The following DMD variants were observed in gnomAD, a reference collection of about 807,000 sequenced individuals.
DMD encodes mutant dystrophin.
DMD carries 63 observed loss-of-function variants against 330.1 expected under a neutral mutation model. The ratio of observed to expected loss-of-function variants is 0.19; its 90% CI spans 0.16 to 0.24. The LOEUF (loss-of-function observed/expected upper bound fraction) is 0.24, where lower values mean the gene tolerates loss of function less well. Among genes scored for constraint, DMD ranks in the 10% least tolerant of loss-of-function variants. The probability of loss-of-function intolerance (pLI) is 1.00; values close to 1 mark genes in which losing one functional copy is unlikely to be tolerated. For missense variants in DMD, 3,344 were observed against 2,684.1 expected, an observed-to-expected ratio of 1.25 and a Z score of -5.43; for synonymous variants, 1,223 against 959.8, an observed-to-expected ratio of 1.27 and a Z score of -5.07.
chrX:31,269,709 A>C (rs1211628161), intron 62 of DMD, among the ~76,000 whole-genome samples: 1 of 112,148 alleles, frequency 8.9e-6, no homozygotes, highest in Non-Finnish European at 1.9e-5. Context: ...GAGGTCAAAG[A>C]AGGCGACCCA....
At position 31,469,997 on chromosome X, in the gene DMD, C is replaced by T. The variant is rs759086416; in HGVS notation, c.8937+8109G>A. 1.2e-3 allele frequency among the ~76,000 whole-genome samples: 132 copies of T among 111,089 alleles called. 1 individual carries two copies. The highest frequency in any genetic ancestry group is 4.6e-3 in the Middle Eastern group (1 of 217). The stretch of plus-strand genomic sequence containing the variant: ...ACTTGTGTATGCTTCACAAAGTTCT[C>T]GTGCTGTGTTTCTCAGCTCCTTCAG... On this transcript the variant is annotated intron_variant, in intron 59 of 78. Transcript: ENST00000357033.
Position 32,553,603 on chromosome X carries a change from C to A in DMD, c.1993-8269G>T, listed in dbSNP as rs147209933. Among the ~76,000 whole-genome samples, 173 of 111,754 alleles carry A rather than the reference C, an allele frequency of 1.5e-3. 2 individuals carry two copies. The highest frequency in any genetic ancestry group is 4.3e-4 in the Non-Finnish European group (23 of 53,087). ...ATATAGTATAATAATATTATGAGAC[C>A]ACTGTCATATATGTGGTTCATTGTT... On this transcript the variant is annotated intron_variant, in intron 16 of 78. Coordinates refer to ENST00000357033, the MANE Select transcript of DMD (RefSeq NM_004006.3).
In DMD at chrX:31,180,464, T is replaced by C. The variant is rs993607011; in HGVS notation, c.9992A>G (p.His3331Arg). The C allele has an allele frequency of 2.2e-5, 26 of 1,193,784 alleles. No homozygotes were observed. The highest frequency in any genetic ancestry group is 3.0e-5 in the Non-Finnish European group (26 of 880,487). Residue 3331 changes from histidine (H) to arginine (R), a missense_variant, in exon 69 of 79, where the codon CAC becomes CGC. By Grantham distance (29) the His-to-Arg change is conservative (BLOSUM62 0). Transcript: ENST00000357033. ...GCTTTGGCAGATGTCATAATTAAAG[T>C]GCTTTAGACTCCTGTACCTGATAAA... ...IIGFRYRSLK[H>R]FNYDICQSCF...
At chrX:32,079,175 C>T (rs2096373913) in intron 44 of DMD, among the ~76,000 whole-genome samples, 2 of 112,046 alleles carry the variant, frequency 1.8e-5, no homozygotes, top group African/African-American at 6.5e-5. Flanking sequence ...TTTTGTCACT[C>T]TAACTTTGTA....
intron 45 of DMD, among the ~76,000 whole-genome samples, chrX:31,943,178 C>A (rs988227265): frequency 8.9e-6 from 1 of 112,432 alleles, no homozygotes; most frequent in Admixed American, 9.4e-5. Context: ...AAGCCAAAGG[C>A]ATTTAGTATC....
intron 63 of DMD, among the ~76,000 whole-genome samples, chrX:31,256,569 T>A (rs1364035817): frequency 2.7e-5 from 3 of 111,929 alleles, no homozygotes; most frequent in African/African-American, 9.7e-5. Flanking sequence ...TATCTATTTT[T>A]TAATCAAAAA....
At chrX:32,556,015 C>A (rs749107810) in intron 16 of DMD, among the ~76,000 whole-genome samples, 5 of 111,886 alleles carry the variant, frequency 4.5e-5, no homozygotes, top group African/African-American at 1.6e-4. Context: ...AAATAAACTA[C>A]CGTCAGAGTA....
At chrX:32,693,829 A>T (rs1431755844) in intron 9 of DMD, among the ~76,000 whole-genome samples, 1 of 111,619 alleles carries the variant, frequency 9.0e-6, no homozygotes, top group Admixed American at 9.5e-5. Flanking sequence ...CAACACCTCC[A>T]AATACACACA....
intron 2 of DMD, among the ~76,000 whole-genome samples, chrX:32,862,142 C>T (rs1569535982): frequency 8.9e-6 from 1 of 111,875 alleles, no homozygotes; most frequent in Non-Finnish European, 1.9e-5. Flanking sequence ...CCAAAAAAAG[C>T]ACGAAAATCT....
Position 32,775,677 on chromosome X carries a change from C to G in DMD, c.649+33816G>C, listed in dbSNP as rs1424003935. Among the ~76,000 whole-genome samples the G allele has an allele frequency of 4.4e-5, 5 of 113,032 alleles. No individual in the cohort carries two copies. In the East Asian group the frequency reaches 1.4e-3, roughly 32 times the overall value. The stretch of plus-strand genomic sequence containing the variant: ...CTGCACAGAGCAGTGGGGCCTTGGG[C>G]CTGGCCCACCAAACCATTTTTCCCT... On this transcript the variant is annotated intron_variant, in intron 7 of 78. Coordinates refer to ENST00000357033, the MANE Select transcript of DMD (RefSeq NM_004006.3).
At chrX:33,060,296 AT>A (rs2148070181) in intron 1 of DMD, among the ~76,000 whole-genome samples, 1 of 111,124 alleles carries the variant, frequency 9.0e-6, no homozygotes, top group South Asian at 3.9e-4. Context: ...CCCCTGGAGG[AT>A]GGTGGATGAT....
intron 27 of DMD, 110 bp downstream of exon 27, chrX:32,448,346 G>A: frequency 1.1e-6 from 1 of 872,876 alleles, no homozygotes; most frequent in South Asian, 2.1e-5. Context: ...CCTGAATGAG[G>A]AATTCAAGCC....
chrX:32,013,033 T>A (rs2150416373), intron 44 of DMD, among the ~76,000 whole-genome samples: 1 of 110,171 alleles, frequency 9.1e-6, no homozygotes, highest in East Asian at 2.8e-4. Context: ...TGAAATATTT[T>A]TTTCTCCATG....
intron 5 of DMD, among the ~76,000 whole-genome samples, chrX:32,819,010 T>TG (rs1230709836): frequency 9.8e-6 from 1 of 101,652 alleles, no homozygotes; most frequent in East Asian, 3.2e-4. Flanking sequence ...CAGGTGTTTT[T>TG]TTTTTTTTTT....
At chrX:32,984,415 C>T (rs1419550306) in intron 2 of DMD, among the ~76,000 whole-genome samples, 5 of 111,373 alleles carry the variant, frequency 4.5e-5, no homozygotes, top group South Asian at 7.6e-4. Flanking sequence ...CCACCACACC[C>T]GGCTAATTTT....
At chrX:33,166,951 A>C (rs1296189717) in intron 1 of DMD, among the ~76,000 whole-genome samples, 2 of 110,942 alleles carry the variant, frequency 1.8e-5, no homozygotes, top group African/African-American at 6.5e-5. Context: ...TAGAAAAAGC[A>C]CCATCGATAT....
chrX:33,128,397 T>G (rs1569555966), intron 1 of DMD: 1 of 998,524 alleles, frequency 1.0e-6, no homozygotes, highest in East Asian at 3.8e-5. Context: ...AATAGTGAGG[T>G]GTTCTCACAG....
At chrX:31,870,548 GC>G (rs1431576417) in intron 48 of DMD, among the ~76,000 whole-genome samples, 1 of 111,843 alleles carries the variant, frequency 8.9e-6, no homozygotes, top group Non-Finnish European at 1.9e-5. Flanking sequence ...TTTTATTTCA[GC>G]AGAATTGAGT....
intron 48 of DMD, among the ~76,000 whole-genome samples, chrX:31,854,927 TG>T (rs1250564676): frequency 9.0e-6 from 1 of 111,339 alleles, no homozygotes; most frequent in Non-Finnish European, 1.9e-5. Context: ...CCCCCATGTG[TG>T]ACAACCACAA....
Sources: gnomAD v4.1 joint callset for allele counts (sites outside exome capture counted in the v4.1 genomes callset) on GRCh38, gnomAD v4.1.1 for gene constraint, MANE v1.5 for transcripts, NCBI Gene and HGNC (gene_info 2026-07-23, HGNC 2026-07-21) for gene names.